Variants in ERBB4 observed in about 807,000 individuals in gnomAD.
ERBB4 encodes receptor tyrosine-protein kinase erbB-4.
Under a neutral mutation model 158.0 loss-of-function variants are expected in ERBB4, and 42 were observed. That is an observed-to-expected ratio of 0.27 (90% CI 0.21 to 0.34). The LOEUF (loss-of-function observed/expected upper bound fraction) is 0.34. ERBB4 is among the 10% of genes least tolerant of loss of function. The probability of loss-of-function intolerance (pLI) is 1.00; values close to 1 mark genes in which losing one functional copy is unlikely to be tolerated. For missense variants in ERBB4, 1,333 were observed against 1,624.1 expected, an observed-to-expected ratio of 0.82 and a Z score of 3.08; for synonymous variants, 583 against 558.7, an observed-to-expected ratio of 1.04 and a Z score of -0.61.
chr2:212,329,920 C>G lies in ERBB4; in HGVS notation c.83-205017G>C, dbSNP rs115775884. 8.9e-3 allele frequency among the ~76,000 whole-genome samples: 1,358 copies of G among 152,194 alleles called. 28 individuals are homozygous for G. Among genetic ancestry groups the G allele is most frequent in the African/African-American group, 0.031 (1,270 of 41,560 alleles). ...TTTAAGTTACTTTAAAATTCACCAA[C>G]TTTTCCAGTGTTACTGAGGATGTTC... On this transcript the variant is annotated intron_variant, in intron 1 of 27. Coordinates refer to ENST00000342788, the MANE Select transcript of ERBB4 (RefSeq NM_005235.3).
Position 211,535,797 on chromosome 2 carries a change from G to T in ERBB4, c.2487+26106C>A, listed in dbSNP as rs2066634619. ...TGTGTCTGTCTAGAGTTTATTTACAGTAAAAGTTCAGAAGTACTAGCCGAT... is the reference window on the plus strand; with the variant it reads ...TGTGTCTGTCTAGAGTTTATTTACATTAAAAGTTCAGAAGTACTAGCCGAT... On this transcript the variant is annotated intron_variant, in intron 20 of 27. Coordinates refer to ENST00000342788, the MANE Select transcript of ERBB4 (RefSeq NM_005235.3). 3 of 152,370 alleles carry T rather than the reference G, an allele frequency of 2.0e-5. No individual in the cohort carries two copies. The South Asian group carries it at 6.2e-4, about 32-fold the overall frequency. The allele number at this position is 152,370 out of a possible 1,614,324, so 9.4% of individuals were successfully genotyped here.
At chr2:211,889,898 G>A (rs376460433) in intron 3 of ERBB4, among the ~76,000 whole-genome samples, 18,567 of 141,864 alleles carry the variant, frequency 0.13, 1,465 homozygotes, top group African/African-American at 0.22. Context: ...AGAAATATGG[G>A]ACTATGTGAA....
intron 2 of ERBB4, among the ~76,000 whole-genome samples, chr2:212,052,033 A>G (rs939645): frequency 0.23 from 34,581 of 152,068 alleles, 4,600 homozygotes; most frequent in African/African-American, 0.37. Flanking sequence ...GTCTGCAAAG[A>G]TGTTGCCAAA....
At chr2:211,898,458 T>C (rs1430180092) in intron 3 of ERBB4, among the ~76,000 whole-genome samples, 7 of 152,178 alleles carry the variant, frequency 4.6e-5, no homozygotes, top group Non-Finnish European at 1.0e-4. Context: ...TTCAAGTGTC[T>C]ATACATTATG....
At chr2:212,148,214 G>A (rs1354559082) in intron 1 of ERBB4, among the ~76,000 whole-genome samples, 1 of 151,626 alleles carries the variant, frequency 6.6e-6, no homozygotes, top group Non-Finnish European at 1.5e-5. Flanking sequence ...TGCAGCTAGA[G>A]GCATACACAG....
intron 1 of ERBB4, among the ~76,000 whole-genome samples, chr2:212,213,306 G>T (rs2082996129): frequency 2.0e-5 from 3 of 152,022 alleles, no homozygotes; most frequent in Admixed American, 2.0e-4. Flanking sequence ...ACAAACGTAT[G>T]AAAGAAAGCT....
rs537328175 is a variant in ERBB4, at chr2:211,402,338, A to G, written c.3136-14346T>C. ...GCTTCAATTCTGGTGAAGAAAATTT[A>G]GATCTAGTTATCCTTGCAAAAAACG... On this transcript the variant is annotated intron_variant, in intron 25 of 27. Transcript: ENST00000342788. 2.8e-4 allele frequency among the ~76,000 whole-genome samples: 42 copies of G among 152,218 alleles called. No homozygotes were observed. The South Asian group carries it at 7.0e-3, about 26-fold the overall frequency.
rs747975697 is a variant in ERBB4 at position 211,428,480 on chromosome 2, G to A, written c.2647C>T (p.Pro883Ser). The A allele has an allele frequency of 6.5e-7, 1 of 1,531,708 alleles. No individual in the cohort carries two copies. Among genetic ancestry groups the A allele is most frequent in the South Asian group, 1.1e-5 (1 of 89,054 alleles). The allele number at this position is 1,531,708 out of a possible 1,614,324, so 94.9% of individuals were successfully genotyped here. A position where few individuals can be genotyped will look rare whatever the true frequency, so the allele number is the denominator to read the frequency against. Residue 883 changes from proline to serine, a missense_variant, in exon 22 of 28, where the codon CCA (proline) becomes TCA (serine). Around this residue, in one of 5 missense-constraint regions of ERBB4, gnomAD observed 314 missense variants for 437.6 expected, o/e 0.72. Transcript: ENST00000342788. ...CACTCCAGAGCCATCCATTTAATTG[G>A]CATCTATAGAGAAGTAAGAAGTAAA... ...KEYNADGGKM[P>S]IKWMALECIH... is the part of the protein sequence containing the mutation.
intron 1 of ERBB4, among the ~76,000 whole-genome samples, chr2:212,510,696 T>C (rs1691469445): frequency 1.3e-5 from 2 of 152,054 alleles, no homozygotes; most frequent in Admixed American, 1.3e-4. Context: ...ACTTATCTGA[T>C]TGAAAAGCCT....
chr2:211,691,934 T>G (rs2105999621), intron 12 of ERBB4, among the ~76,000 whole-genome samples: 1 of 152,268 alleles, frequency 6.6e-6, no homozygotes, highest in South Asian at 2.1e-4. Flanking sequence ...GTCAAAGAGC[T>G]GTCGGAATCC....
At chr2:212,144,921 A>C (rs1250787815) in intron 1 of ERBB4, among the ~76,000 whole-genome samples, 2 of 152,324 alleles carry the variant, frequency 1.3e-5, no homozygotes, top group East Asian at 3.9e-4. Context: ...TTAAAAATAT[A>C]ATTTCTAATC....
At chr2:212,148,139 T>C (rs2080744620) in intron 1 of ERBB4, among the ~76,000 whole-genome samples, 1 of 151,820 alleles carries the variant, frequency 6.6e-6, no homozygotes, top group Admixed American at 6.6e-5. Context: ...TCCCAAAGAG[T>C]ATTTTCTTTT....
rs146844462 is a variant in ERBB4 at position 212,205,221 on chromosome 2, C to T, written c.83-80318G>A. ...TGCCACTCAGGCTGGAGTGCAGTGG[C>T]ACGATCTCTGCTCACTGAAGTCTCT... is the stretch of plus-strand genomic sequence containing the variant. On this transcript the variant is annotated intron_variant, in intron 1 of 27. Coordinates refer to ENST00000342788, the MANE Select transcript of ERBB4 (RefSeq NM_005235.3). Among the ~76,000 whole-genome samples, 3 of 152,178 alleles carry T rather than the reference C, an allele frequency of 2.0e-5. No individual in the cohort carries two copies. The East Asian group carries it at 5.8e-4, about 29-fold the overall frequency.
intron 1 of ERBB4, among the ~76,000 whole-genome samples, chr2:212,149,781 C>T (rs978205488): frequency 6.6e-6 from 1 of 152,076 alleles, no homozygotes; most frequent in Non-Finnish European, 1.5e-5. Context: ...TATGCACCTG[C>T]CCTTAAGATT....
chr2:211,700,877 G>A (rs1160037693), intron 12 of ERBB4, among the ~76,000 whole-genome samples: 4 of 152,134 alleles, frequency 2.6e-5, no homozygotes, highest in African/African-American at 9.7e-5. Context: ...ATATTCATTT[G>A]CAAACAGTTC....
intron 1 of ERBB4, among the ~76,000 whole-genome samples, chr2:212,150,224 T>C (rs1031384466): frequency 6.6e-5 from 10 of 152,120 alleles, no homozygotes; most frequent in African/African-American, 2.4e-4. Flanking sequence ...GGAGGATCTT[T>C]CTTTGCCTCT....
At chr2:212,269,650 T>A (rs181044029) in intron 1 of ERBB4, among the ~76,000 whole-genome samples, 1 of 151,938 alleles carries the variant, frequency 6.6e-6, no homozygotes, top group Non-Finnish European at 1.5e-5. Flanking sequence ...AATTACAAGT[T>A]TTTGTGTCTA....
At chr2:211,880,033 C>G (rs1326254021) in intron 3 of ERBB4, among the ~76,000 whole-genome samples, 2 of 150,894 alleles carry the variant, frequency 1.3e-5, no homozygotes, top group Non-Finnish European at 3.0e-5. Flanking sequence ...AACATATAGT[C>G]TCATAAGTAC....
intron 6 of ERBB4, among the ~76,000 whole-genome samples, chr2:211,723,900 T>C (rs1559459723): frequency 6.6e-6 from 1 of 152,198 alleles, no homozygotes; most frequent in Non-Finnish European, 1.5e-5. Context: ...AGTGGAATCA[T>C]TAGACCGTTC....
Sources: gnomAD v4.1 joint callset for allele counts (sites outside exome capture counted in the v4.1 genomes callset) on GRCh38, gnomAD v4.1.1 for gene constraint, gnomAD v4.1.1 regional missense constraint, MANE v1.5 for transcripts, NCBI Gene and HGNC (gene_info 2026-07-23, HGNC 2026-07-21) for gene names.